Variants in MOSMO observed in about 807,000 individuals in gnomAD.
The protein encoded by MOSMO is modulator of smoothened.
A neutral mutation model predicts 18.4 loss-of-function variants in MOSMO; 5 were observed. That is an observed-to-expected ratio of 0.27 (90% confidence interval 0.14 to 0.57). The LOEUF (loss-of-function observed/expected upper bound fraction) is 0.57, where lower values mean the gene tolerates loss of function less well. Ranked by LOEUF, MOSMO falls within the 20% of genes least tolerant of loss-of-function variation. MOSMO has a pLI of 0.92. For missense variants in MOSMO, 138 were observed against 211.8 expected (o/e 0.65, Z 2.16); for synonymous variants, 82 against 82.3 (o/e 1.00, Z 0.02).
intron 1 of MOSMO, among the ~76,000 whole-genome samples, chr16:22,050,887 GAAA>G (rs34532029): frequency 2.4e-4 from 17 of 70,484 alleles, no homozygotes; most frequent in South Asian, 1.7e-3. Flanking sequence ...TGTCTCTTAA[GAAA>G]AAAAAAAAAA....
At chr16:22,019,087 C>T (rs1899700606) in intron 1 of MOSMO, among the ~76,000 whole-genome samples, 1 of 152,174 alleles carries the variant, frequency 6.6e-6, no homozygotes, top group South Asian at 2.1e-4. Flanking sequence ...ACAGAGAAGT[C>T]ACTTGCCTAA....
downstream of MOSMO, among the ~76,000 whole-genome samples, chr16:22,088,485 C>T (rs948474332): frequency 1.3e-5 from 2 of 152,154 alleles, no homozygotes; most frequent in Non-Finnish European, 2.9e-5. Context: ...CTGCTGTGAA[C>T]TTAGGCCTTG....
chr16:22,038,911 A>G (rs1900159296), intron 1 of MOSMO, among the ~76,000 whole-genome samples: 1 of 152,198 alleles, frequency 6.6e-6, no homozygotes, highest in Non-Finnish European at 1.5e-5. Flanking sequence ...AAGCAATGAC[A>G]TGGGAGAAAG....
chr16:22,026,617 A>C (rs1899882135), intron 1 of MOSMO, among the ~76,000 whole-genome samples: 1 of 152,180 alleles, frequency 6.6e-6, no homozygotes, highest in Non-Finnish European at 1.5e-5. Context: ...TAAAGAGTGC[A>C]ATTGTTGGAC....
At chr16:22,062,739 C>T (rs1439068785) in intron 1 of MOSMO, among the ~76,000 whole-genome samples, 1 of 152,194 alleles carries the variant, frequency 6.6e-6, no homozygotes, top group East Asian at 1.9e-4. Context: ...TACATTCTCT[C>T]TCTTAATACA....
chr16:22,067,505 C>T (rs948360499), intron 1 of MOSMO, among the ~76,000 whole-genome samples: 1 of 152,152 alleles, frequency 6.6e-6, no homozygotes, highest in South Asian at 2.1e-4. Flanking sequence ...CTATTAACAG[C>T]TGACTTCTCA....
intron 1 of MOSMO, among the ~76,000 whole-genome samples, chr16:22,045,581 C>T (rs1249661285): frequency 6.6e-6 from 1 of 152,092 alleles, no homozygotes. Context: ...GTTTTAGTTA[C>T]TGTTTTAAAA....
chr16:22,069,135 G>A (rs955265233), intron 1 of MOSMO, among the ~76,000 whole-genome samples: 2 of 152,148 alleles, frequency 1.3e-5, no homozygotes, highest in Admixed American at 6.6e-5. Context: ...CAGGATGGGA[G>A]TGTAAGAGCT....
At chr16:22,031,981 G>A (rs1163672310) in intron 1 of MOSMO, among the ~76,000 whole-genome samples, 1 of 152,060 alleles carries the variant, frequency 6.6e-6, no homozygotes, top group East Asian at 1.9e-4. Context: ...TACCAGTATA[G>A]GAGGGTTCCA....
chr16:22,024,459 G>C (rs1899834603), intron 1 of MOSMO, among the ~76,000 whole-genome samples: 1 of 151,890 alleles, frequency 6.6e-6, no homozygotes, highest in African/African-American at 2.4e-5. Flanking sequence ...CCACCTCCAG[G>C]GTTCAAGTGA....
intron 2 of MOSMO, among the ~76,000 whole-genome samples, chr16:22,077,701 C>T (rs1013364466): frequency 2.0e-5 from 3 of 152,060 alleles, no homozygotes; most frequent in Non-Finnish European, 2.9e-5. Context: ...CCCCATATCC[C>T]GTGACAGCCC....
At chr16:22,012,378 A>G (rs570346068) in intron 1 of MOSMO, among the ~76,000 whole-genome samples, 14 of 152,290 alleles carry the variant, frequency 9.2e-5, no homozygotes, top group Non-Finnish European at 1.9e-4. Flanking sequence ...TCTCACTGGG[A>G]TATTTTGATA....
chr16:22,067,807 T>C (rs758678962), intron 1 of MOSMO, among the ~76,000 whole-genome samples: 15 of 151,856 alleles, frequency 9.9e-5, no homozygotes, highest in Non-Finnish European at 1.8e-4. Flanking sequence ...TGAAACCTGG[T>C]AGGCAGAGGT....
intron 1 of MOSMO, among the ~76,000 whole-genome samples, chr16:22,074,162 G>T (rs1225619127): frequency 1.3e-5 from 2 of 152,208 alleles, no homozygotes; most frequent in Non-Finnish European, 2.9e-5. Flanking sequence ...CACCAGGGCA[G>T]CTTCCCAAAA....
chr16:22,018,551 C>T (rs140412355), intron 1 of MOSMO, among the ~76,000 whole-genome samples: 1 of 152,168 alleles, frequency 6.6e-6, no homozygotes, highest in African/African-American at 2.4e-5. Context: ...ATAGATATTC[C>T]CTATGCGATT....
intron 1 of MOSMO, among the ~76,000 whole-genome samples, chr16:22,010,678 G>A (rs991727721): frequency 1.2e-4 from 19 of 152,208 alleles, no homozygotes; most frequent in African/African-American, 4.6e-4. Flanking sequence ...CAGCACTTTG[G>A]GAGGCCAAGG....
rs112930098 is a variant in MOSMO at position 22,039,215 on chromosome 16, C to T, written c.106+30808C>T. 2.2e-3 allele frequency among the ~76,000 whole-genome samples: 336 copies of T among 152,256 alleles called. 2 individuals carry two copies. The highest frequency in any genetic ancestry group is 1.7e-3 in the Non-Finnish European group (114 of 68,030). On this transcript the variant is annotated intron_variant, in intron 1 of 2. Transcript: ENST00000542527. ...TTAAATGGACAAGTGAACTCCTTAA[C>T]GCATAGTTTGGGATACATGATACAT... is the stretch of plus-strand genomic sequence containing the variant.
At position 22,082,590 on chromosome 16, in the gene MOSMO, C is replaced by T. The variant is rs769382444; in HGVS notation, c.*1710C>T. The T allele has an allele frequency of 3.3e-5, 5 of 152,206 alleles. No individual in the cohort carries two copies. Among genetic ancestry groups the T allele is most frequent in the East Asian group, 1.9e-4 (1 of 5,184 alleles). 9.4% of individuals were successfully genotyped at this position (152,206 alleles called of 1,614,324 possible). A position where few individuals can be genotyped will look rare whatever the true frequency, so the allele number is the denominator to read the frequency against. Reference sequence around the variant, plus strand: ...CATGCTTCACACAAGCAGAAATGAACGCACTGTTTTTAAGGCTAGATTATC... The same window carrying T: ...CATGCTTCACACAAGCAGAAATGAATGCACTGTTTTTAAGGCTAGATTATC... On this transcript the variant is annotated 3_prime_UTR_variant, in exon 3 of 3. Transcript: ENST00000542527.
At chr16:22,040,065 A>G (rs1038199782) in intron 1 of MOSMO, among the ~76,000 whole-genome samples, 13 of 152,260 alleles carry the variant, frequency 8.5e-5, no homozygotes, top group African/African-American at 3.1e-4. Context: ...CTGGAAGTAG[A>G]GAAACTAGTT....
Sources: gnomAD v4.1 joint callset for allele counts (sites outside exome capture counted in the v4.1 genomes callset) on GRCh38, gnomAD v4.1.1 for gene constraint, MANE v1.5 for transcripts, NCBI Gene and HGNC (gene_info 2026-07-23, HGNC 2026-07-21) for gene names.